The following KCNIP4 variants were observed in gnomAD, a reference collection of about 807,000 sequenced individuals.
KCNIP4 encodes Kv channel-interacting protein 4.
In KCNIP4, 12 loss-of-function variants were observed where a neutral mutation model predicts 34.0. The ratio of observed to expected loss-of-function variants is 0.35; its 90% CI spans 0.23 to 0.57. KCNIP4 has a LOEUF of 0.57. KCNIP4 is among the 20% of genes least tolerant of loss of function. The pLI is 0.83. For missense variants in KCNIP4, 238 were observed against 311.7 expected (o/e 0.76, Z 1.78); for synonymous variants, 124 against 102.2 (o/e 1.21, Z -1.29).
rs551930171 is a variant in KCNIP4 at position 21,492,039 on chromosome 4, C to G, written c.61+456532G>C. 9.2e-5 allele frequency among the ~76,000 whole-genome samples: 14 copies of G among 152,206 alleles called. No homozygotes were observed. The East Asian group carries it at 2.5e-3, about 27-fold the overall frequency. ...TCCAAAGATAGATTCTCTACTGTAT[C>G]CAACTAATTGTGATGTTAAACGTGA... is the stretch of plus-strand genomic sequence containing the variant. On this transcript the variant is annotated intron_variant, in intron 1 of 8. Transcript: ENST00000382152.
At chr4:21,828,269 G>GGGATATAATTAGAACA (rs1722787709) in intron 1 of KCNIP4, among the ~76,000 whole-genome samples, 1 of 151,538 alleles carries the variant, frequency 6.6e-6, no homozygotes, top group Non-Finnish European at 1.5e-5. Context: ...TATTAGAACT[G>GGGATATAATTAGAACA]GTAAACTGGG....
intron 1 of KCNIP4, among the ~76,000 whole-genome samples, chr4:21,335,632 G>A (rs1716103670): frequency 6.6e-6 from 1 of 152,150 alleles, no homozygotes; most frequent in African/African-American, 2.4e-5. Context: ...TAGGTGGATT[G>A]TTTTAATAAA....
intron 1 of KCNIP4, among the ~76,000 whole-genome samples, chr4:21,262,221 G>A (rs188882492): frequency 6.6e-6 from 1 of 151,840 alleles, no homozygotes; most frequent in Non-Finnish European, 1.5e-5. Context: ...TCTTGGTTTT[G>A]ATGTCATCTC....
At chr4:21,827,294 C>A (rs1425431539) in intron 1 of KCNIP4, among the ~76,000 whole-genome samples, 4 of 151,968 alleles carry the variant, frequency 2.6e-5, no homozygotes, top group Non-Finnish European at 4.4e-5. Context: ...ACAGTTTGTG[C>A]ATCTAAAATG....
In KCNIP4 at chr4:21,531,358, TC is replaced by T. The variant is rs1560492982; in HGVS notation, c.61+417212del. ...CTCCCTTCCCCTCCCCCTCCCTCCC[TC>T]CCTCCCTCCCTTCCTTCCTTCCTTT... On this transcript the variant is annotated intron_variant, in intron 1 of 8. Transcript: ENST00000382152. Among the ~76,000 whole-genome samples, 44 of 56,766 alleles carry T rather than the reference TC, an allele frequency of 7.8e-4. 1 individual carries two copies. The highest frequency in any genetic ancestry group is 2.9e-3 in the African/African-American group (42 of 14,328). The allele number at this position is 56,766 out of a possible 152,430, so 37.2% of individuals were successfully genotyped here. A position where few individuals can be genotyped will look rare whatever the true frequency, so the allele number is the denominator to read the frequency against.
At chr4:20,975,860 TTAAA>T (rs1735437955) in intron 1 of KCNIP4, among the ~76,000 whole-genome samples, 1 of 152,178 alleles carries the variant, frequency 6.6e-6, no homozygotes, top group Non-Finnish European at 1.5e-5. Flanking sequence ...AGGGCAGACA[TTAAA>T]TAAATATATT....
intron 1 of KCNIP4, among the ~76,000 whole-genome samples, chr4:21,322,406 G>A (rs563998166): frequency 2.0e-5 from 3 of 152,230 alleles, no homozygotes; most frequent in African/African-American, 7.2e-5. Flanking sequence ...CTCCTATTAA[G>A]TCCAGGGCTT....
At chr4:21,636,944 G>A (rs1746220459) in intron 1 of KCNIP4, among the ~76,000 whole-genome samples, 1 of 152,106 alleles carries the variant, frequency 6.6e-6, no homozygotes. Context: ...ATATCTTGAT[G>A]GACACTAGGA....
chr4:21,332,830 C>A (rs1173931035), intron 1 of KCNIP4, among the ~76,000 whole-genome samples: 1 of 152,038 alleles, frequency 6.6e-6, no homozygotes, highest in Non-Finnish European at 1.5e-5. Flanking sequence ...CATACTGTTC[C>A]TCAAAACAAT....
In KCNIP4 at chr4:20,921,064, A is replaced by C. The variant is rs950262322; in HGVS notation, c.62-38355T>G. ...AGGAATTTGAGTCAAAAAGAACTGGAAACAGGAATACTAGAGAAGGGGTTG... is the reference window on the plus strand; with the variant it reads ...AGGAATTTGAGTCAAAAAGAACTGGCAACAGGAATACTAGAGAAGGGGTTG... On this transcript the variant is annotated intron_variant, in intron 1 of 8. Coordinates refer to ENST00000382152, the MANE Select transcript of KCNIP4 (RefSeq NM_025221.6). 3.3e-5 allele frequency among the ~76,000 whole-genome samples: 5 copies of C among 152,138 alleles called. No individual in the cohort carries two copies. The East Asian group carries it at 9.6e-4, about 29-fold the overall frequency.
At chr4:20,950,345 T>A (rs934757288) in intron 1 of KCNIP4, among the ~76,000 whole-genome samples, 1 of 152,106 alleles carries the variant, frequency 6.6e-6, no homozygotes, top group African/African-American at 2.4e-5. Flanking sequence ...CTTTGAGTCA[T>A]GATGTTGAGT....
chr4:21,058,321 T>C (rs1420902252), intron 1 of KCNIP4, among the ~76,000 whole-genome samples: 7 of 152,124 alleles, frequency 4.6e-5, no homozygotes, highest in Non-Finnish European at 7.4e-5. Context: ...TCATCATTTA[T>C]CTCTGCTCCA....
intron 1 of KCNIP4, among the ~76,000 whole-genome samples, chr4:21,765,932 A>G (rs1053476995): frequency 6.6e-5 from 10 of 152,064 alleles, no homozygotes; most frequent in Non-Finnish European, 1.3e-4. Flanking sequence ...AAAGGCATAC[A>G]GTAAACTAAG....
intron 1 of KCNIP4, among the ~76,000 whole-genome samples, chr4:21,795,827 G>A (rs1720588377): frequency 6.6e-6 from 1 of 152,122 alleles, no homozygotes; most frequent in African/African-American, 2.4e-5. Context: ...CAGCACTTTG[G>A]GAGGCTGAGG....
chr4:21,654,332 G>C (rs1747748374), intron 1 of KCNIP4, among the ~76,000 whole-genome samples: 1 of 152,114 alleles, frequency 6.6e-6, no homozygotes, highest in African/African-American at 2.4e-5. Context: ...CGTGTACCTG[G>C]TGCAAGGGCA....
chr4:21,115,570 G>A (rs1431031018), intron 1 of KCNIP4, among the ~76,000 whole-genome samples: 3 of 152,146 alleles, frequency 2.0e-5, no homozygotes, highest in African/African-American at 7.2e-5. Flanking sequence ...TTATTAAAAT[G>A]TTAGACAATT....
chr4:21,208,292 G>T (rs989268968), intron 1 of KCNIP4, among the ~76,000 whole-genome samples: 3 of 151,930 alleles, frequency 2.0e-5, no homozygotes, highest in Non-Finnish European at 4.4e-5. Context: ...TTCGTAATTG[G>T]CCTTACTCTT....
intron 1 of KCNIP4, among the ~76,000 whole-genome samples, chr4:20,989,410 G>A (rs192122216): frequency 2.0e-5 from 3 of 152,368 alleles, no homozygotes; most frequent in African/African-American, 7.2e-5. Flanking sequence ...AGTGGACACA[G>A]GTGGCTTTGA....
At chr4:21,210,750 C>T (rs780985082) in intron 1 of KCNIP4, among the ~76,000 whole-genome samples, 4 of 152,038 alleles carry the variant, frequency 2.6e-5, no homozygotes, top group African/African-American at 7.2e-5. Context: ...GAAGACAGAT[C>T]CTATTTTCTC....
Sources: gnomAD v4.1 joint callset for allele counts (sites outside exome capture counted in the v4.1 genomes callset) on GRCh38, gnomAD v4.1.1 for gene constraint, MANE v1.5 for transcripts, NCBI Gene and HGNC (gene_info 2026-07-23, HGNC 2026-07-21) for gene names.